Variants in TYR observed in about 807,000 individuals in gnomAD.
TYR encodes LB24-AB.
In TYR, 58 loss-of-function variants were observed where a neutral mutation model predicts 51.5. The ratio of observed to expected loss-of-function variants is 1.13; its 90% CI spans 0.91 to 1.40. TYR has a LOEUF of 1.40. TYR is among the 40% of genes most tolerant of loss of function. The pLI is 0.00. For synonymous variants in TYR, 263 were observed against 235.2 expected (o/e 1.12, Z -1.08); for missense variants, 732 against 647.4 (o/e 1.13, Z -1.42).
chr11:89,247,719 T>A (rs1944283998), intron 3 of TYR, among the ~76,000 whole-genome samples: 1 of 152,128 alleles, frequency 6.6e-6, no homozygotes, highest in South Asian at 2.1e-4. Context: ...AGGCACACAG[T>A]TTTCTGCAAA....
intron 3 of TYR, among the ~76,000 whole-genome samples, chr11:89,251,863 C>T (rs888683944): frequency 6.6e-6 from 1 of 151,764 alleles, no homozygotes; most frequent in Non-Finnish European, 1.5e-5. Context: ...CAGACAGTTG[C>T]TCATATCAGT....
chr11:89,263,099 A>T (rs1196992670), intron 3 of TYR, among the ~76,000 whole-genome samples: 3 of 151,852 alleles, frequency 2.0e-5, no homozygotes, highest in East Asian at 1.9e-4. Flanking sequence ...AATGGAAAAA[A>T]AATTCTAAGC....
intron 2 of TYR, among the ~76,000 whole-genome samples, chr11:89,201,110 C>CA: frequency 6.6e-6 from 1 of 152,196 alleles, no homozygotes; most frequent in South Asian, 2.1e-4. Flanking sequence ...ATATCACCAC[C>CA]AATCTCATCA....
chr11:89,293,091 G>T (rs1944867922), intron 4 of TYR, among the ~76,000 whole-genome samples: 1 of 152,050 alleles, frequency 6.6e-6, no homozygotes, highest in Non-Finnish European at 1.5e-5. Context: ...ATGACTAAAG[G>T]TGTAGATAGG....
At chr11:89,192,470 CTT>C (rs1349527406) in intron 2 of TYR, among the ~76,000 whole-genome samples, 3 of 152,082 alleles carry the variant, frequency 2.0e-5, no homozygotes, top group Admixed American at 6.6e-5. Flanking sequence ...ACTTTCCTCT[CTT>C]TTGTAATCCT....
chr11:89,190,566 TA>T (rs1381322156), intron 1 of TYR, among the ~76,000 whole-genome samples: 3 of 152,132 alleles, frequency 2.0e-5, no homozygotes, highest in Admixed American at 6.6e-5. Flanking sequence ...AAAAATTAAG[TA>T]AAAAAGTTAC....
At chr11:89,179,086 T>C (rs1943267923) in intron 1 of TYR, among the ~76,000 whole-genome samples, 1 of 152,178 alleles carries the variant, frequency 6.6e-6, no homozygotes, top group African/African-American at 2.4e-5. Flanking sequence ...ATGTATTTTG[T>C]GAATTGAATA....
intron 3 of TYR, among the ~76,000 whole-genome samples, chr11:89,260,265 A>C (rs1590884588): frequency 6.6e-6 from 1 of 151,646 alleles, no homozygotes; most frequent in South Asian, 2.1e-4. Context: ...AAAAAAAAAA[A>C]TTAAAAATGA....
chr11:89,195,086 G>A (rs745599309), intron 2 of TYR, among the ~76,000 whole-genome samples: 5 of 152,160 alleles, frequency 3.3e-5, no homozygotes, highest in Non-Finnish European at 7.3e-5. Flanking sequence ...GAATATAGCA[G>A]TGAGGACAGT....
At position 89,228,027 on chromosome 11, in the gene TYR, T is replaced by G; in HGVS notation, c.1184+57T>G. The G allele has an allele frequency of 4.4e-6, 7 of 1,587,716 alleles. No homozygotes were observed. The South Asian group carries it at 7.7e-5, about 18-fold the overall frequency. ...TCATTGGATTTAAATAGAGGGTGCC[T>G]ATCAAATGTGATTTAAGTTATTAAA... On this transcript the variant is annotated intron_variant, in intron 3 of 4. Transcript: ENST00000263321.
intron 2 of TYR, among the ~76,000 whole-genome samples, chr11:89,211,296 A>G (rs181152100): frequency 1.3e-5 from 2 of 152,264 alleles, no homozygotes; most frequent in Admixed American, 1.3e-4. Context: ...AAAACAAAAG[A>G]AAAAAGCAGG....
chr11:89,237,966 G>A (rs12365043), intron 3 of TYR, among the ~76,000 whole-genome samples: 34,863 of 151,760 alleles, frequency 0.23, 4,289 homozygotes, highest in Non-Finnish European at 0.28. Flanking sequence ...CTCCTGAGTT[G>A]CTGGGATTAC....
chr11:89,208,138 C>T (rs943921416), intron 2 of TYR, among the ~76,000 whole-genome samples: 5 of 152,036 alleles, frequency 3.3e-5, no homozygotes, highest in African/African-American at 7.2e-5. Context: ...GATGTGGTGG[C>T]GGGCACCTGT....
intron 1 of TYR, among the ~76,000 whole-genome samples, chr11:89,186,302 C>G (rs1252360364): frequency 6.6e-6 from 1 of 152,174 alleles, no homozygotes; most frequent in African/African-American, 2.4e-5. Flanking sequence ...GTTTAATGAT[C>G]TGTGGTCTTG....
At chr11:89,181,925 C>T (rs553017065) in intron 1 of TYR, among the ~76,000 whole-genome samples, 1 of 152,116 alleles carries the variant, frequency 6.6e-6, no homozygotes, top group Admixed American at 6.6e-5. Flanking sequence ...CACGTTGACT[C>T]CCTTAAAATT....
intron 3 of TYR, among the ~76,000 whole-genome samples, chr11:89,239,077 A>G (rs934416986): frequency 1.3e-5 from 2 of 152,138 alleles, no homozygotes; most frequent in African/African-American, 4.8e-5. Context: ...CTTTGGTATC[A>G]AGGTAAAGCT....
At position 89,281,943 on chromosome 11, in the gene TYR, C is replaced by T. The variant is rs182660692; in HGVS notation, c.1185-2830C>T. Among the ~76,000 whole-genome samples the T allele has an allele frequency of 5.2e-4, 79 of 151,902 alleles. 2 individuals are homozygous for T. In the East Asian group the frequency reaches 0.014, roughly 27 times the overall value. ...CTAAAAAGATGACTACCCCCTCCTCCCCAAATGTCAATGTAATTATCTGAG... is the reference window on the plus strand; with the variant it reads ...CTAAAAAGATGACTACCCCCTCCTCTCCAAATGTCAATGTAATTATCTGAG... On this transcript the variant is annotated intron_variant, in intron 3 of 4. Coordinates refer to ENST00000263321, the MANE Select transcript of TYR (RefSeq NM_000372.5).
intron 3 of TYR, among the ~76,000 whole-genome samples, chr11:89,237,397 T>C (rs1944131549): frequency 6.6e-6 from 1 of 152,172 alleles, no homozygotes; most frequent in Admixed American, 6.6e-5. Context: ...GAGATAAGTG[T>C]CTAATTTCAT....
At chr11:89,207,876 T>G (rs1021920276) in intron 2 of TYR, among the ~76,000 whole-genome samples, 6 of 152,230 alleles carry the variant, frequency 3.9e-5, no homozygotes, top group African/African-American at 1.4e-4. Context: ...CATAATATTT[T>G]TTCAAGGTTA....
Sources: allele counts gnomAD v4.1 joint callset (sites outside exome capture counted in the v4.1 genomes callset), GRCh38; gene constraint gnomAD v4.1.1; transcripts MANE v1.5; gene names NCBI Gene and HGNC (gene_info 2026-07-23, HGNC 2026-07-21).